Variants in PTGER4 observed in about 807,000 individuals in gnomAD.
The protein encoded by PTGER4 is prostaglandin E2 receptor EP4 subtype.
In PTGER4, 11 loss-of-function variants were observed where a neutral mutation model predicts 33.2. That is an observed-to-expected ratio of 0.33 (90% confidence interval 0.21 to 0.55). The LOEUF is 0.55. Among genes scored for constraint, PTGER4 ranks in the 20% least tolerant of loss-of-function variants. The probability of loss-of-function intolerance (pLI) is 0.92; values close to 1 mark genes in which losing one functional copy is unlikely to be tolerated. For missense variants in PTGER4, 481 were observed against 650.2 expected, an observed-to-expected ratio of 0.74 and a Z score of 2.83; for synonymous variants, 275 against 281.5, an observed-to-expected ratio of 0.98 and a Z score of 0.23.
chr5:40,738,534 AAATAC>A, the PTGER4 span, among the ~76,000 whole-genome samples: 549 of 135,048 alleles, frequency 4.1e-3, 4 homozygotes, highest in African/African-American at 7.0e-3. Context: ...AAATACAATA[AAATAC>A]AATAAAATAA....
At chr5:40,713,426 T>A in the PTGER4 span, among the ~76,000 whole-genome samples, 1 of 152,190 alleles carries the variant, frequency 6.6e-6, no homozygotes, top group Admixed American at 6.5e-5. Context: ...CTTTATAGTT[T>A]TACCATACGG....
chr5:40,718,696 C>T, the PTGER4 span, among the ~76,000 whole-genome samples: 1 of 151,968 alleles, frequency 6.6e-6, no homozygotes, highest in Non-Finnish European at 1.5e-5. Context: ...CGAGATTGCA[C>T]CACCGCACTT....
chr5:40,718,751 A>T, the PTGER4 span, among the ~76,000 whole-genome samples: 1 of 151,790 alleles, frequency 6.6e-6, no homozygotes, highest in Non-Finnish European at 1.5e-5. Context: ...AAAAAAAAAA[A>T]TTAGCTGGGT....
At position 40,692,696 on chromosome 5, in the gene PTGER4, C is replaced by T; in HGVS notation, c.*318C>T. On this transcript the variant is annotated 3_prime_UTR_variant, in exon 3 of 3. Coordinates refer to ENST00000302472, the MANE Select transcript of PTGER4 (RefSeq NM_000958.3). The stretch of plus-strand genomic sequence containing the variant: ...TTGGCTGCTGTCATAACATCCAGAG[C>T]TTTGTCGTATTTGGCACACAGCAGA... 9.3e-7 allele frequency: 1 copy of T among 1,073,474 alleles called. No homozygotes were observed. The highest frequency in any genetic ancestry group is 1.1e-6 in the Non-Finnish European group (1 of 885,080). 66.5% of individuals were successfully genotyped at this position (1,073,474 alleles called of 1,614,324 possible).
chr5:40,738,613 G>T, the PTGER4 span, among the ~76,000 whole-genome samples: 1 of 118,568 alleles, frequency 8.4e-6, no homozygotes, highest in South Asian at 2.8e-4. Flanking sequence ...ATAAAAAAGT[G>T]AAACAACCAG....
At chr5:40,682,962 G>T (rs1410093623) in intron 2 of PTGER4, among the ~76,000 whole-genome samples, 1 of 152,216 alleles carries the variant, frequency 6.6e-6, no homozygotes, top group Non-Finnish European at 1.5e-5. Flanking sequence ...ACCCTACCTA[G>T]TTTTCTACTT....
In PTGER4 at chr5:40,681,667, C is replaced by A. The variant is rs747833307; in HGVS notation, c.674C>A (p.Thr225Asn). The A allele has an allele frequency of 4.2e-5, 66 of 1,585,364 alleles. No individual in the cohort carries two copies. Among genetic ancestry groups the A allele is most frequent in the Non-Finnish European group, 5.6e-5 (66 of 1,171,460 alleles). Reference sequence around the variant, plus strand: ...TTCATGCGCCGCACCTCGCTGGGCACCGAGCAGCACCACGCGGCCGCGGCC... The same window carrying A: ...TTCATGCGCCGCACCTCGCTGGGCAACGAGCAGCACCACGCGGCCGCGGCC... ...RQFMRRTSLG[T>N]EQHHAAAAAS... is the part of the protein sequence containing the mutation. The change falls in exon 2 of 3, where the codon ACC becomes AAC. Residue 225 changes from threonine (T) to asparagine (N), a missense_variant. By Grantham distance (65) the Thr-to-Asn change is moderately conservative. Transcript: ENST00000302472. This position sits in a 1 kb window ranked among gnomAD's most constrained non-coding sequence, Gnocchi z 9.8.
chr5:40,722,549 C>T, the PTGER4 span, among the ~76,000 whole-genome samples: 112 of 152,118 alleles, frequency 7.4e-4, no homozygotes, highest in African/African-American at 2.6e-3. Context: ...GCGCCTCTGC[C>T]TGGCCGCGAC....
the PTGER4 span, among the ~76,000 whole-genome samples, chr5:40,713,758 G>GA: frequency 6.6e-6 from 1 of 152,070 alleles, no homozygotes; most frequent in African/African-American, 2.4e-5. Context: ...TGTTATTTCA[G>GA]AAAGTATATT....
At chr5:40,711,967 C>T in the PTGER4 span, among the ~76,000 whole-genome samples, 3 of 152,086 alleles carry the variant, frequency 2.0e-5, no homozygotes, top group East Asian at 5.8e-4. Context: ...GGGTGATGGA[C>T]ACACACTATA....
intron 2 of PTGER4, among the ~76,000 whole-genome samples, chr5:40,686,936 A>G (rs1281359833): frequency 1.3e-5 from 2 of 152,214 alleles, no homozygotes; most frequent in Non-Finnish European, 2.9e-5. Flanking sequence ...TAATATGCCA[A>G]TATTAACAAC....
chr5:40,732,029 T>A, the PTGER4 span, among the ~76,000 whole-genome samples: 682 of 152,370 alleles, frequency 4.5e-3, 6 homozygotes, highest in African/African-American at 0.016. Flanking sequence ...TTTGCTTTTT[T>A]AAAAATTATT....
At chr5:40,714,679 T>C in the PTGER4 span, 1 of 152,396 alleles carries the variant, frequency 6.6e-6, no homozygotes, top group East Asian at 1.9e-4. Context: ...TTTCTGATGA[T>C]ATAACTTAAG....
the PTGER4 span, among the ~76,000 whole-genome samples, chr5:40,738,728 A>C: frequency 6.6e-6 from 1 of 152,088 alleles, no homozygotes; most frequent in East Asian, 1.9e-4. Context: ...CAATCTTTTC[A>C]ATGTTAGCAT....
At chr5:40,744,544 T>C in the PTGER4 span, among the ~76,000 whole-genome samples, 1 of 150,766 alleles carries the variant, frequency 6.6e-6, no homozygotes. Context: ...TTAGTATTAA[T>C]TCATTTTCTT....
rs772475716 is a variant in PTGER4, at chr5:40,691,996, A to G, written c.1085A>G (p.His362Arg). 1.2e-6 allele frequency: 2 copies of G among 1,614,116 alleles called. No individual in the cohort carries two copies. The highest frequency in any genetic ancestry group is 2.2e-5 in the South Asian group (2 of 91,088). ...TCCCGCAGGGAGCGCTCCGGACAGC[A>G]CTGCTCAGACAGTCAAAGGACATCT... ...GGSRRERSGQ[H>R]CSDSQRTSSA... is the part of the protein sequence containing the mutation. Residue 362 changes from histidine (H) to arginine (R), a missense_variant, in exon 3 of 3, where the codon CAC becomes CGC. Physicochemically the swap from His to Arg is conservative, Grantham distance 29 (BLOSUM62 0). Around this residue, in one of 7 missense-constraint regions of PTGER4, gnomAD observed 172 missense variants for 199.2 expected, o/e 0.86. Transcript: ENST00000302472. The surrounding 1 kb of genome is among the most constrained non-coding windows in gnomAD (Gnocchi z 4.2).
the PTGER4 span, chr5:40,716,572 G>A: frequency 1.3e-5 from 12 of 954,950 alleles, no homozygotes; most frequent in East Asian, 7.2e-5. Context: ...GTGTGTTTAC[G>A]TACATATATA....
chr5:40,728,483 G>T, the PTGER4 span: 3 of 1,580,098 alleles, frequency 1.9e-6, no homozygotes, highest in Non-Finnish European at 2.6e-6. Flanking sequence ...GCACCTATAG[G>T]CAAAAAAAGA....
the PTGER4 span, among the ~76,000 whole-genome samples, chr5:40,713,935 A>AT: frequency 2.6e-5 from 4 of 152,216 alleles, no homozygotes; most frequent in Non-Finnish European, 5.9e-5. Context: ...TAAAATAAGC[A>AT]TTTTGAGGGG....
Sources: gnomAD v4.1 joint callset for allele counts (sites outside exome capture counted in the v4.1 genomes callset) on GRCh38, gnomAD v4.1.1 for gene constraint, gnomAD v4.1.1 regional missense constraint, Gnocchi (gnomAD v3.1) non-coding constraint, MANE v1.5 for transcripts, NCBI Gene and HGNC (gene_info 2026-07-23, HGNC 2026-07-21) for gene names.